The following STARD13 variants were observed in gnomAD, a reference collection of about 807,000 sequenced individuals.
STARD13 encodes the protein StAR related lipid transfer domain containing 13.
A neutral mutation model predicts 106.4 loss-of-function variants in STARD13; 62 were observed. That is an observed-to-expected ratio of 0.58 (90% CI 0.48 to 0.72). The LOEUF (loss-of-function observed/expected upper bound fraction) is 0.72, where lower values mean the gene tolerates loss of function less well. STARD13 is among the 30% of genes least tolerant of loss of function. The pLI is 0.00. For synonymous variants in STARD13, 565 were observed against 553.0 expected (o/e 1.02, Z -0.31); for missense variants, 1,387 against 1,424.0 (o/e 0.97, Z 0.42).
At chr13:33,663,983 G>A in the STARD13 span, among the ~76,000 whole-genome samples, 1 of 152,188 alleles carries the variant, frequency 6.6e-6, no homozygotes, top group Admixed American at 6.5e-5. Flanking sequence ...AACTTCCAAC[G>A]GGAAGGGAAG....
chr13:33,217,508 T>C (rs572858357), intron 1 of STARD13, among the ~76,000 whole-genome samples: 2 of 152,312 alleles, frequency 1.3e-5, no homozygotes, highest in African/African-American at 4.8e-5. Flanking sequence ...TGCTGTGATG[T>C]CTGACTGCAC....
At chr13:33,274,937 T>G (rs537270829) in intron 1 of STARD13, among the ~76,000 whole-genome samples, 1 of 152,138 alleles carries the variant, frequency 6.6e-6, no homozygotes, top group East Asian at 1.9e-4. Context: ...GCACAGCCCT[T>G]TCCTCCAGCA....
chr13:33,595,131 C>T, the STARD13 span, among the ~76,000 whole-genome samples: 1 of 152,114 alleles, frequency 6.6e-6, no homozygotes, highest in African/African-American at 2.4e-5. Flanking sequence ...AACATTTTAC[C>T]ATTTCCACTT....
Position 33,185,636 on chromosome 13 carries a change from A to G in STARD13, c.170-18014T>C, listed in dbSNP as rs1175568401. Among the ~76,000 whole-genome samples, 3 of 151,822 alleles carry G rather than the reference A, an allele frequency of 2.0e-5. No homozygotes were observed. In the East Asian group the frequency reaches 5.8e-4, roughly 29 times the overall value. On this transcript the variant is annotated intron_variant, in intron 1 of 13. Transcript: ENST00000336934. ...AAAGTTTCCTAAAATCGACCCTCCA[A>G]CTCCCATCCTCTGTTCCCTATAGGC...
chr13:33,114,701 TC>T (rs1490343398), intron 8 of STARD13, among the ~76,000 whole-genome samples: 1 of 152,134 alleles, frequency 6.6e-6, no homozygotes, highest in Non-Finnish European at 1.5e-5. Context: ...TTACTAAGCT[TC>T]TTTTCCATGC....
the STARD13 span, among the ~76,000 whole-genome samples, chr13:33,609,085 CAAA>C: frequency 2.8e-4 from 14 of 50,584 alleles, no homozygotes; most frequent in Admixed American, 2.1e-3. Context: ...GACTCCGTCT[CAAA>C]AAAAAAAAAA....
At chr13:33,512,372 C>G in the STARD13 span, among the ~76,000 whole-genome samples, 1 of 152,102 alleles carries the variant, frequency 6.6e-6, no homozygotes, top group Non-Finnish European at 1.5e-5. Flanking sequence ...TGTTAAAATG[C>G]ATAACTAAAA....
the STARD13 span, among the ~76,000 whole-genome samples, chr13:33,378,233 G>A: frequency 6.6e-6 from 1 of 152,112 alleles, no homozygotes; most frequent in Non-Finnish European, 1.5e-5. Flanking sequence ...ACTCCCTACT[G>A]AGACCAGCTG....
chr13:33,522,941 T>C, the STARD13 span, among the ~76,000 whole-genome samples: 1 of 152,184 alleles, frequency 6.6e-6, no homozygotes, highest in African/African-American at 2.4e-5. Flanking sequence ...ATAGGCAATG[T>C]GTGTGAGAGC....
intron 1 of STARD13, among the ~76,000 whole-genome samples, chr13:33,218,185 A>G (rs903516030): frequency 6.6e-6 from 1 of 152,190 alleles, no homozygotes; most frequent in African/African-American, 2.4e-5. Flanking sequence ...TTTAAGAGGA[A>G]TGCGTGTTCA....
chr13:33,625,505 G>A, the STARD13 span, among the ~76,000 whole-genome samples: 47 of 151,986 alleles, frequency 3.1e-4, no homozygotes, highest in Non-Finnish European at 6.5e-4. Flanking sequence ...GGGAGGCAGA[G>A]GTTGCAGTGA....
chr13:33,150,801 C>T lies in STARD13; in HGVS notation c.324-8428G>A, dbSNP rs371432283. On this transcript the variant is annotated intron_variant, in intron 3 of 13. Transcript: ENST00000336934. ...TCAGAATCCTTGAGAAGGGCTAATA[C>T]GCTAGCAAATGTGAAATAGTAGTCT... Among the ~76,000 whole-genome samples the T allele has an allele frequency of 1.0e-3, 153 of 152,310 alleles. 7 individuals are homozygous for T. In the South Asian group the frequency reaches 0.028, roughly 28 times the overall value.
chr13:33,646,873 A>T, the STARD13 span, among the ~76,000 whole-genome samples: 5 of 152,198 alleles, frequency 3.3e-5, no homozygotes, highest in East Asian at 9.6e-4. Flanking sequence ...TAAATAAAAT[A>T]TTTTTGAAAG....
chr13:33,511,632 A>G, the STARD13 span, among the ~76,000 whole-genome samples: 2 of 152,218 alleles, frequency 1.3e-5, no homozygotes, highest in Non-Finnish European at 2.9e-5. Flanking sequence ...AAAAACTAAA[A>G]GATCCAAATA....
At chr13:33,408,122 T>C in the STARD13 span, among the ~76,000 whole-genome samples, 1 of 152,138 alleles carries the variant, frequency 6.6e-6, no homozygotes, top group Admixed American at 6.5e-5. Flanking sequence ...GGTGAATCCG[T>C]GTGATAGCTT....
chr13:33,207,610 G>A lies in STARD13; in HGVS notation c.170-39988C>T, dbSNP rs188505269. Among the ~76,000 whole-genome samples the A allele has an allele frequency of 3.7e-3, 567 of 152,164 alleles. 8 individuals are homozygous for A. The highest frequency in any genetic ancestry group is 0.013 in the African/African-American group (546 of 41,524). On this transcript the variant is annotated intron_variant, in intron 1 of 13. Coordinates refer to ENST00000336934, the MANE Select transcript of STARD13 (RefSeq NM_178006.4). ...ATTTTGTTCAGGGTCCCCTGATTTCGTCCAGCTTTCTACACTCACCCCTCA... is the reference window on the plus strand; with the variant it reads ...ATTTTGTTCAGGGTCCCCTGATTTCATCCAGCTTTCTACACTCACCCCTCA...
upstream of STARD13, among the ~76,000 whole-genome samples, chr13:33,288,517 C>G (rs1892163851): frequency 6.6e-6 from 1 of 151,782 alleles, no homozygotes; most frequent in African/African-American, 2.4e-5. Context: ...TCCAGCATTT[C>G]TCCTGCCTCA....
chr13:33,491,527 G>C, the STARD13 span, among the ~76,000 whole-genome samples: 1 of 152,138 alleles, frequency 6.6e-6, no homozygotes, highest in Non-Finnish European at 1.5e-5. Flanking sequence ...TTTCATCAGT[G>C]ATCTGTGAGA....
chr13:33,156,132 C>T (rs1351960550), intron 3 of STARD13, among the ~76,000 whole-genome samples: 3 of 152,172 alleles, frequency 2.0e-5, no homozygotes, highest in Admixed American at 1.3e-4. Flanking sequence ...AACGCCATGG[C>T]GGTTCTGGAT....
Sources: allele counts gnomAD v4.1 joint callset (sites outside exome capture counted in the v4.1 genomes callset), GRCh38; gene constraint gnomAD v4.1.1; transcripts MANE v1.5; gene names NCBI Gene and HGNC (gene_info 2026-07-23, HGNC 2026-07-21).